The following ABCA1 variants were observed in gnomAD, a reference collection of about 807,000 sequenced individuals.
The protein encoded by ABCA1 is ATP binding cassette subfamily A member 1.
A neutral mutation model predicts 262.5 loss-of-function variants in ABCA1; 133 were observed. That is an observed-to-expected ratio of 0.51 (90% CI 0.44 to 0.59). The LOEUF (loss-of-function observed/expected upper bound fraction) is 0.59, where lower values mean the gene tolerates loss of function less well. Ranked by LOEUF, ABCA1 falls within the 20% of genes least tolerant of loss-of-function variation. The pLI, the probability that ABCA1 is intolerant of heterozygous loss-of-function variation, is 0.00. For missense variants in ABCA1, 2,452 were observed against 2,777.5 expected (o/e 0.88, Z 2.63); for synonymous variants, 1,022 against 1,043.5 (o/e 0.98, Z 0.40).
chr9:104,845,673 C>A, intron 7 of ABCA1, 104 bp from the exon 8 acceptor site: 1 of 826,458 alleles, frequency 1.2e-6, no homozygotes, highest in Non-Finnish European at 2.0e-6. Flanking sequence ...TTGAGTTTAA[C>A]AAACAAGAAA....
intron 14 of ABCA1, among the ~76,000 whole-genome samples, chr9:104,829,943 TACACACACACACACAC>T (rs59055896): frequency 7.1e-6 from 1 of 140,802 alleles, no homozygotes; most frequent in Middle Eastern, 3.4e-3. Flanking sequence ...TCCTGATCCC[TACACACACACACACAC>T]ACACACACAC....
At chr9:104,912,852 A>G (rs1468512854) in intron 1 of ABCA1, among the ~76,000 whole-genome samples, 4 of 152,200 alleles carry the variant, frequency 2.6e-5, no homozygotes, top group Admixed American at 6.5e-5. Context: ...AGTCACAATC[A>G]TAACACCAGA....
intron 1 of ABCA1, among the ~76,000 whole-genome samples, chr9:104,904,396 C>T (rs548702914): frequency 2.6e-5 from 4 of 151,592 alleles, no homozygotes; most frequent in South Asian, 4.2e-4. Flanking sequence ...GGTGAAACCC[C>T]GTCTCTACTA....
At chr9:104,920,273 T>A (rs1239019722) in intron 1 of ABCA1, among the ~76,000 whole-genome samples, 1 of 152,222 alleles carries the variant, frequency 6.6e-6, no homozygotes, top group Non-Finnish European at 1.5e-5. Flanking sequence ...TTCAAAGAAG[T>A]CAACAATCTC....
chr9:104,906,583 T>C (rs1319989874), intron 1 of ABCA1, among the ~76,000 whole-genome samples: 1 of 151,962 alleles, frequency 6.6e-6, no homozygotes. Flanking sequence ...TGACCTGGCC[T>C]CCTGCACAAT....
chr9:104,800,019 T>C (rs2118890480), intron 35 of ABCA1, 31 bp from the exon 36 acceptor site: 2 of 1,613,776 alleles, frequency 1.2e-6, no homozygotes, highest in African/African-American at 1.3e-5. Flanking sequence ...TACAAGGTAA[T>C]GCCCCCAAAC....
rs993624518 is a variant in ABCA1, at chr9:104,782,796, A to G, written c.*1519T>C. The G allele has an allele frequency of 6.6e-6, 1 of 151,248 alleles. No individual in the cohort carries two copies. Among genetic ancestry groups the G allele is most frequent in the Non-Finnish European group, 1.5e-5 (1 of 67,878 alleles). The allele number at this position is 151,248 out of a possible 1,614,324, so 9.4% of individuals were successfully genotyped here. ...AGCTGTTTTCCCTGTTGAAGAATTC[A>G]TTGTTTAGACTTGTGACCCTTATAC... On this transcript the variant is annotated 3_prime_UTR_variant, in exon 50 of 50. Transcript: ENST00000374736.
Position 104,809,538 on chromosome 9 carries a change from G to A in ABCA1, c.4202C>T (p.Thr1401Ile), listed in dbSNP as rs372821558. 2.4e-5 allele frequency: 38 copies of A among 1,614,026 alleles called. No individual in the cohort carries two copies. In the African/African-American group the frequency reaches 4.8e-4, roughly 20 times the overall value. The change falls in exon 30 of 50, where the codon ACC (threonine) becomes ATC (isoleucine). Residue 1401 changes from threonine (T) to isoleucine (I), a missense_variant. Physicochemically the swap from Thr to Ile is moderately conservative, Grantham distance 89. This residue lies in a region of ABCA1 where 665 missense variants were observed against 727.3 expected (regional missense o/e 0.91). Coordinates refer to ENST00000374736, the MANE Select transcript of ABCA1 (RefSeq NM_005502.4). ...GGTGAGGGCGTTTAAGAGTTCCAGG[G>A]TTCCCGTGTCCTCAGGAGCATCATT... ...VSNDAPEDTGTLELLNALTKD... is the reference protein window; with the variant it reads ...VSNDAPEDTGILELLNALTKD...
chr9:104,895,026 T>A (rs1474389724), intron 2 of ABCA1, among the ~76,000 whole-genome samples: 2 of 152,120 alleles, frequency 1.3e-5, no homozygotes, highest in East Asian at 3.9e-4. Context: ...AAAATCAGAT[T>A]TCTCCTCCTT....
intron 11 of ABCA1, among the ~76,000 whole-genome samples, chr9:104,834,316 T>C (rs1408490275): frequency 6.7e-6 from 1 of 149,522 alleles, no homozygotes; most frequent in Non-Finnish European, 1.5e-5. Context: ...GTACGCAGGA[T>C]AGCATATTTT....
intron 1 of ABCA1, among the ~76,000 whole-genome samples, chr9:104,911,357 A>G (rs531007452): frequency 6.6e-6 from 1 of 152,296 alleles, no homozygotes; most frequent in East Asian, 1.9e-4. Context: ...CTGTTCTCTA[A>G]TTGCCTCTCT....
At chr9:104,874,547 G>T (rs1320205729) in intron 5 of ABCA1, among the ~76,000 whole-genome samples, 1 of 152,088 alleles carries the variant, frequency 6.6e-6, no homozygotes, top group Non-Finnish European at 1.5e-5. Flanking sequence ...TCCAGCCTGG[G>T]CAACAGAGTA....
chr9:104,847,911 G>A (rs1332863557), intron 7 of ABCA1, among the ~76,000 whole-genome samples: 2 of 152,106 alleles, frequency 1.3e-5, no homozygotes, highest in Admixed American at 1.3e-4. Flanking sequence ...TTACGTATAT[G>A]TCTATATGTA....
Position 104,792,052 on chromosome 9 carries a change from C to G in ABCA1, c.5758-54G>C. On this transcript the variant is annotated intron_variant, in intron 42 of 49. Transcript: ENST00000374736. The stretch of plus-strand genomic sequence containing the variant: ...AAGCCTCAGTGACTCACAGCTCTCC[C>G]AAGCAACTGTGGAAGGCAGGACTAT... The G allele has an allele frequency of 2.0e-6, 3 of 1,530,918 alleles. No individual in the cohort carries two copies. The South Asian group carries it at 3.4e-5, about 18-fold the overall frequency. 94.8% of individuals were successfully genotyped at this position (1,530,918 alleles called of 1,614,324 possible).
chr9:104,840,184 A>C (rs1834239142), intron 9 of ABCA1, 95 bp downstream of exon 9: 14 of 1,602,540 alleles, frequency 8.7e-6, no homozygotes, highest in Middle Eastern at 4.2e-4. Flanking sequence ...TAGACATCTA[A>C]CGCTGCTACA....
intron 29 of ABCA1, among the ~76,000 whole-genome samples, chr9:104,810,220 T>C (rs1319259963): frequency 6.7e-6 from 1 of 149,898 alleles, no homozygotes; most frequent in African/African-American, 2.4e-5. Flanking sequence ...AGTTCCCCCA[T>C]CTACAGGTCT....
chr9:104,788,664 T>C (rs897510685), intron 44 of ABCA1, 97 bp from the exon 45 acceptor site: 1 of 1,407,312 alleles, frequency 7.1e-7, no homozygotes, highest in Non-Finnish European at 1.0e-6. Flanking sequence ...GCTTCTCCAT[T>C]ACAAAGATAC....
Position 104,796,306 on chromosome 9 carries a change from T to G in ABCA1, c.5237+3A>C, listed in dbSNP as rs1440948694. 5 of 1,614,100 alleles carry G rather than the reference T, an allele frequency of 3.1e-6. No individual in the cohort carries two copies. Among genetic ancestry groups the G allele is most frequent in the Non-Finnish European group, 4.2e-6 (5 of 1,179,948 alleles). ...GCAGCTCCCTCACTCAGAGGTGACTTACCCATACAGCAAAAGTAGAAGGGC... is the reference window on the plus strand; with the variant it reads ...GCAGCTCCCTCACTCAGAGGTGACTGACCCATACAGCAAAAGTAGAAGGGC... On this transcript the variant is annotated splice_donor_region_variant and intron_variant, in intron 38 of 49. Transcript: ENST00000374736.
Position 104,827,092 on chromosome 9 carries a change from C to A in ABCA1, c.2193G>T (p.Leu731=), listed in dbSNP as rs750181806. 8 of 1,614,206 alleles carry A rather than the reference C, an allele frequency of 5.0e-6. No individual in the cohort carries two copies. The highest frequency in any genetic ancestry group is 5.9e-6 in the Non-Finnish European group (7 of 1,180,032). ...FLSVFAVVTI[L]QCFLISTLFS... Reference sequence around the variant, plus strand: ...AGAGTGTGCTAATCAGGAAGCACTGCAGGATTGTCACCACAGCAAACACGG... The same window carrying A: ...AGAGTGTGCTAATCAGGAAGCACTGAAGGATTGTCACCACAGCAAACACGG... Residue 731 remains leucine (L), a synonymous_variant, in exon 16 of 50, where the codon CTG becomes CTT. Coordinates refer to ENST00000374736, the MANE Select transcript of ABCA1 (RefSeq NM_005502.4).
Sources: allele counts gnomAD v4.1 joint callset (sites outside exome capture counted in the v4.1 genomes callset), GRCh38; gene constraint gnomAD v4.1.1; regional missense constraint gnomAD v4.1.1; transcripts MANE v1.5; gene names NCBI Gene and HGNC (gene_info 2026-07-23, HGNC 2026-07-21).